The following KNG1 variants were observed in gnomAD, a reference collection of about 807,000 sequenced individuals.
KNG1 encodes kininogen 1, also known as kininogen-1.
A neutral mutation model predicts 47.8 loss-of-function variants in KNG1; 23 were observed. That is an observed-to-expected ratio of 0.48 (90% CI 0.35 to 0.68). The LOEUF (loss-of-function observed/expected upper bound fraction) is 0.68. Ranked by LOEUF, KNG1 falls within the 30% of genes least tolerant of loss-of-function variation. KNG1 has a pLI of 0.01. For missense variants in KNG1, 762 were observed against 790.2 expected (o/e 0.96, Z 0.43); for synonymous variants, 277 against 277.0 (o/e 1.00, Z 0.00).
At chr3:186,725,740 G>A (rs1361676524) in intron 4 of KNG1, among the ~76,000 whole-genome samples, 1 of 150,470 alleles carries the variant, frequency 6.6e-6, no homozygotes, top group Non-Finnish European at 1.5e-5. Flanking sequence ...TTTTAGTAGA[G>A]GCGGGGTTTC....
chr3:186,740,049 CA>C lies in KNG1; in HGVS notation c.1125+648del, dbSNP rs1210069538. 4.5e-3 allele frequency among the ~76,000 whole-genome samples: 596 copies of C among 133,552 alleles called. 1 individual carries two copies. Among genetic ancestry groups the C allele is most frequent in the African/African-American group, 7.9e-3 (288 of 36,268 alleles). The allele number at this position is 133,552 out of a possible 152,430, so 87.6% of individuals were successfully genotyped here. On this transcript the variant is annotated intron_variant, in intron 9 of 9. Transcript: ENST00000644859. ...GGCAACAAAGAGCGAAACTTTGTCTCAAAAAAAAAAAAAGAAAAGAAAAATT... is the reference window on the plus strand; with the variant it reads ...GGCAACAAAGAGCGAAACTTTGTCTCAAAAAAAAAAAAGAAAAGAAAAATT...
chr3:186,736,663 A>G (rs1408159752), intron 7 of KNG1: 3 of 152,246 alleles, frequency 2.0e-5, no homozygotes, highest in Non-Finnish European at 2.9e-5. Context: ...AGGAATGTCA[A>G]ATAATATGTA....
At chr3:186,720,939 A>G (rs5029987) in intron 2 of KNG1, among the ~76,000 whole-genome samples, 64,088 of 151,094 alleles carry the variant, frequency 0.42, 13,935 homozygotes, top group South Asian at 0.61. Context: ...ACAGGCACCC[A>G]CCACCACGCC....
chr3:186,742,399 G>A lies in KNG1; in HGVS notation c.*68G>A. Reference sequence around the variant, plus strand: ...TCAATATCCCTCTCTCCATTGTCCAGATGAAAATATCCTGATATAATGCAC... The same window carrying A: ...TCAATATCCCTCTCTCCATTGTCCAAATGAAAATATCCTGATATAATGCAC... On this transcript the variant is annotated 3_prime_UTR_variant, in exon 10 of 10. Transcript: ENST00000644859. 3.1e-6 allele frequency: 5 copies of A among 1,599,676 alleles called. No homozygotes were observed. The South Asian group carries it at 5.6e-5, about 18-fold the overall frequency.
intron 4 of KNG1, among the ~76,000 whole-genome samples, chr3:186,725,566 A>G (rs191335700): frequency 0.029 from 958 of 32,860 alleles, 12 homozygotes; most frequent in Admixed American, 0.04. Flanking sequence ...TTTTTTTGAG[A>G]CAGAGTCTCT....
chr3:186,731,455 A>C (rs1720530180), intron 5 of KNG1, 90 bp from the exon 6 acceptor site: 1 of 766,902 alleles, frequency 1.3e-6, no homozygotes, highest in Non-Finnish European at 2.3e-6. Context: ...TGGAAAGTAC[A>C]CGTCCTATTC....
rs869232105 is a variant in KNG1, at chr3:186,730,655, CAAAAAAAAAAAAAAAA to C, written c.673-876_673-861del. Among the ~76,000 whole-genome samples, 47 of 80,104 alleles carry C rather than the reference CAAAAAAAAAAAAAAAA, an allele frequency of 5.9e-4. 1 individual carries two copies. The highest frequency in any genetic ancestry group is 1.7e-3 in the South Asian group (4 of 2,402). 52.6% of individuals were successfully genotyped at this position (80,104 alleles called of 152,430 possible). ...TTGGCGACAAAGAGAGACTCCATCACAAAAAAAAAAAAAAAAAAAAAAAAAAAAATATATATATATA... is the reference window on the plus strand; with the variant it reads ...TTGGCGACAAAGAGAGACTCCATCACAAAAAAAAAAAAATATATATATATA... On this transcript the variant is annotated intron_variant, in intron 5 of 9. Coordinates refer to ENST00000644859, the MANE Select transcript of KNG1 (RefSeq NM_001102416.3).
Position 186,732,623 on chromosome 3 carries a change from T to G in KNG1, c.879T>G (p.Asn293Lys), listed in dbSNP as rs1198951355. 1 of 1,614,084 alleles carries G rather than the reference T, an allele frequency of 6.2e-7. No individual in the cohort carries two copies. The highest frequency in any genetic ancestry group is 8.5e-7 in the Non-Finnish European group (1 of 1,179,950). ...THTITKLNAE[N>K]NATFYFKIDN... ...CCATCACAAAGCTTAATGCAGAGAATAACGCAACTTTCTATTTCAAGATTG... is the reference window on the plus strand; with the variant it reads ...CCATCACAAAGCTTAATGCAGAGAAGAACGCAACTTTCTATTTCAAGATTG... The change falls in exon 7 of 10, where the codon AAT becomes AAG. Residue 293 changes from asparagine (N) to lysine (K), a missense_variant. Physicochemically the swap from Asn to Lys is moderately conservative, Grantham distance 94 (BLOSUM62 0). Coordinates refer to ENST00000644859, the MANE Select transcript of KNG1 (RefSeq NM_001102416.3).
rs577060476 is a variant in KNG1, at chr3:186,741,905, C to T, written c.1509C>T (p.His503=). The T allele has an allele frequency of 5.3e-5, 86 of 1,613,950 alleles. No individual in the cohort carries two copies. Among genetic ancestry groups the T allele is most frequent in the South Asian group, 9.9e-5 (9 of 91,058 alleles). ...HGHKHKHGHG[H]GKHKNKGKKN... ...ATAAGCATAAGCATGGTCATGGCCACGGAAAACATAAAAATAAAGGCAAAA... is the reference window on the plus strand; with the variant it reads ...ATAAGCATAAGCATGGTCATGGCCATGGAAAACATAAAAATAAAGGCAAAA... The change falls in exon 10 of 10, where the codon CAC becomes CAT. Residue 503 remains histidine (H), a synonymous_variant. Coordinates refer to ENST00000644859, the MANE Select transcript of KNG1 (RefSeq NM_001102416.3).
rs973690689 is a variant in KNG1 at position 186,717,449 on chromosome 3, A to T, written c.-94A>T. 3.1e-6 allele frequency: 3 copies of T among 970,658 alleles called. No homozygotes were observed. In the Admixed American group the frequency reaches 5.1e-5, roughly 17 times the overall value. The allele number at this position is 970,658 out of a possible 1,614,324, so 60.1% of individuals were successfully genotyped here. A position where few individuals can be genotyped will look rare whatever the true frequency, so the allele number is the denominator to read the frequency against. On this transcript the variant is annotated 5_prime_UTR_variant, in exon 1 of 10. Transcript: ENST00000644859. ...TGAGGCAGAGAGGAGGACAGAAGAA[A>T]CAAGAGGCTGGAGATTGTCAAATTC...
intron 7 of KNG1, chr3:186,735,964 G>C (rs1357833108): frequency 1.3e-5 from 2 of 152,162 alleles, no homozygotes; most frequent in Non-Finnish European, 2.9e-5. Flanking sequence ...TATTCTGAAT[G>C]TTGTAGGAAT....
At chr3:186,728,991 TA>T in intron 5 of KNG1, 1 of 152,186 alleles carries the variant, frequency 6.6e-6, no homozygotes, top group East Asian at 1.9e-4. Flanking sequence ...AAGTTTTTGA[TA>T]TTTCCCGAGT....
intron 4 of KNG1, among the ~76,000 whole-genome samples, chr3:186,726,075 C>T (rs28496811): frequency 6.6e-6 from 1 of 151,564 alleles, no homozygotes; most frequent in East Asian, 1.9e-4. Flanking sequence ...GGATTACAGG[C>T]GCTCATCACC....
chr3:186,723,214 G>T (rs376068629), intron 3 of KNG1, among the ~76,000 whole-genome samples: 4 of 152,124 alleles, frequency 2.6e-5, no homozygotes, highest in East Asian at 3.9e-4. Flanking sequence ...GATTAAGTCA[G>T]GGTATTTGGG....
Position 186,732,630 on chromosome 3 carries a change from ACTTT to A in KNG1, c.889_892del (p.Phe297IlefsTer7). The A allele has an allele frequency of 6.2e-7, 1 of 1,614,176 alleles. No homozygotes were observed. The highest frequency in any genetic ancestry group is 8.5e-7 in the Non-Finnish European group (1 of 1,179,980). On this transcript the variant is annotated frameshift_variant, in exon 7 of 10. Transcript: ENST00000644859. LOFTEE classifies it high-confidence loss of function. The stretch of plus-strand genomic sequence containing the variant: ...AAAGCTTAATGCAGAGAATAACGCA[ACTTT>A]CTATTTCAAGATTGACAATGTGAAA...
chr3:186,732,620 G>C lies in KNG1; in HGVS notation c.876G>C (p.Glu292Asp), dbSNP rs765550637. 1.2e-6 allele frequency: 2 copies of C among 1,614,108 alleles called. No homozygotes were observed. The highest frequency in any genetic ancestry group is 1.7e-6 in the Non-Finnish European group (2 of 1,179,966). Residue 292 changes from glutamate to aspartate, a missense_variant, in exon 7 of 10, where the codon GAG (glutamate) becomes GAC (aspartate). Transcript: ENST00000644859. ...LTHTITKLNA[E>D]NNATFYFKID... Reference sequence around the variant, plus strand: ...ACACCATCACAAAGCTTAATGCAGAGAATAACGCAACTTTCTATTTCAAGA... The same window carrying C: ...ACACCATCACAAAGCTTAATGCAGACAATAACGCAACTTTCTATTTCAAGA...
At chr3:186,729,750 G>A (rs1383268300) in intron 5 of KNG1, among the ~76,000 whole-genome samples, 1 of 151,546 alleles carries the variant, frequency 6.6e-6, no homozygotes. Flanking sequence ...TTGGCTCACT[G>A]CAACCTCCGC....
chr3:186,732,714 T>C, intron 7 of KNG1, 40 bp downstream of exon 7: 1 of 1,532,440 alleles, frequency 6.5e-7, no homozygotes, highest in South Asian at 1.1e-5. Flanking sequence ...CACTATAGTC[T>C]ATGTGCAAAT....
At chr3:186,741,419 C>A in intron 9 of KNG1, 103 bp from the exon 10 acceptor site, 1 of 1,015,334 alleles carries the variant, frequency 9.8e-7, no homozygotes, top group Non-Finnish European at 1.4e-6. Context: ...AAACACCTCC[C>A]CCATTGTAAA....
Sources: gnomAD v4.1 joint callset for allele counts (sites outside exome capture counted in the v4.1 genomes callset) on GRCh38, gnomAD v4.1.1 for gene constraint, MANE v1.5 for transcripts, NCBI Gene and HGNC (gene_info 2026-07-23, HGNC 2026-07-21) for gene names.